The following KIF1A variants were observed in gnomAD, a reference collection of about 807,000 sequenced individuals.
The protein encoded by KIF1A is kinesin family member 1A.
KIF1A carries 46 observed loss-of-function variants against 227.3 expected under a neutral mutation model. That is an observed-to-expected ratio of 0.20 (90% CI 0.16 to 0.26). The LOEUF is 0.26. Among genes scored for constraint, KIF1A ranks in the 10% least tolerant of loss-of-function variants. The probability of loss-of-function intolerance (pLI) is 1.00; values close to 1 mark genes in which losing one functional copy is unlikely to be tolerated. For synonymous variants in KIF1A, 1,022 were observed against 1,012.8 expected, an observed-to-expected ratio of 1.01 and a Z score of -0.17; for missense variants, 1,683 against 2,485.9, an observed-to-expected ratio of 0.68 and a Z score of 6.87.
At position 240,757,544 on chromosome 2, in the gene KIF1A, C is replaced by G. The variant is rs2125869507; in HGVS notation, c.2633G>C (p.Ser878Thr). Residue 878 changes from serine to threonine, a missense_variant, in exon 27 of 49, where the codon AGC (serine) becomes ACC (threonine). By Grantham distance (58) the Ser-to-Thr change is moderately conservative (BLOSUM62 1). This residue lies in a region of KIF1A where 759 missense variants were observed against 1,020.2 expected (regional missense o/e 0.74). Transcript: ENST00000498729. The surrounding 1 kb of genome is among the most constrained non-coding windows in gnomAD (Gnocchi z 6.2). ...GGGGGTGAGAGCAGCCATGCGCTCG[C>G]TCATGCATGTGTTGAGAAGAGGGTA... is the stretch of plus-strand genomic sequence containing the variant. Reference protein sequence around the residue: ...NSYPLLNTCMSERMAALTPSP... With the variant: ...NSYPLLNTCMTERMAALTPSP... The G allele has an allele frequency of 6.4e-7, 1 of 1,550,620 alleles. No individual in the cohort carries two copies. The highest frequency in any genetic ancestry group is 2.0e-5 in the Admixed American group (1 of 50,994).
At chr2:240,753,203 G>A (rs2049430134) in intron 27 of KIF1A, among the ~76,000 whole-genome samples, 1 of 152,226 alleles carries the variant, frequency 6.6e-6, no homozygotes. Flanking sequence ...TTAGCTCTCA[G>A]GGTCTCACAC....
intron 29 of KIF1A, among the ~76,000 whole-genome samples, chr2:240,746,825 G>A (rs369768936): frequency 6.6e-6 from 1 of 152,234 alleles, no homozygotes; most frequent in South Asian, 2.1e-4. Context: ...GCAGCCTCAG[G>A]GGGGCAGCCC....
intron 42 of KIF1A, 103 bp downstream of exon 42, chr2:240,723,310 C>G (rs941202681): frequency 7.7e-6 from 9 of 1,172,530 alleles, no homozygotes; most frequent in African/African-American, 3.1e-5. Context: ...AGCTGTGCTG[C>G]CCCCCAGTAG....
chr2:240,731,929 G>A (rs1418520041), intron 38 of KIF1A, among the ~76,000 whole-genome samples: 1 of 78,584 alleles, frequency 1.3e-5, no homozygotes, highest in African/African-American at 5.0e-5. Context: ...GGGGAGGAGG[G>A]ATGAGGGATG....
chr2:240,732,274 G>C (rs1214495916), intron 38 of KIF1A, among the ~76,000 whole-genome samples: 1 of 117,078 alleles, frequency 8.5e-6, no homozygotes, highest in Non-Finnish European at 1.7e-5. Context: ...GAGGGATGAA[G>C]GGAGAAGGGG....
intron 15 of KIF1A, among the ~76,000 whole-genome samples, chr2:240,770,640 T>C (rs2051829665): frequency 6.6e-6 from 1 of 152,228 alleles, no homozygotes; most frequent in African/African-American, 2.4e-5. Context: ...TTCTTGGAGC[T>C]TCCCTTGTCC....
At chr2:240,734,784 G>C (rs1158402193) in intron 38 of KIF1A, 1 of 1,303,662 alleles carries the variant, frequency 7.7e-7, no homozygotes, top group Non-Finnish European at 1.0e-6. Context: ...GTGAGGGCCG[G>C]GCAGCGCAGC....
rs202227589 is a variant in KIF1A at position 240,805,322 on chromosome 2, GA to G, written c.-60-7511del. On this transcript the variant is annotated intron_variant, in intron 1 of 48. Transcript: ENST00000498729. ...TGAAAAACAATGGGGTAACATATGG[GA>G]AAGAACCATGCAGAACTTTTAGAAA... is the stretch of plus-strand genomic sequence containing the variant. Among the ~76,000 whole-genome samples the G allele has an allele frequency of 6.8e-3, 1,037 of 152,316 alleles. 19 individuals carry two copies. Among genetic ancestry groups the G allele is most frequent in the African/African-American group, 0.024 (1,017 of 41,574 alleles).
At chr2:240,729,822 G>A (rs1453128160) in intron 38 of KIF1A, among the ~76,000 whole-genome samples, 3 of 152,222 alleles carry the variant, frequency 2.0e-5, no homozygotes, top group African/African-American at 7.2e-5. Flanking sequence ...AGGACTGTGT[G>A]CACAGCAGGG....
chr2:240,729,604 A>C (rs891896353), intron 38 of KIF1A, among the ~76,000 whole-genome samples: 1 of 152,224 alleles, frequency 6.6e-6, no homozygotes, highest in African/African-American at 2.4e-5. Context: ...TGCTGGAGCC[A>C]GGCCTGGAGC....
In KIF1A at chr2:240,743,935, C is replaced by A; in HGVS notation, c.3584+7G>T. 6.3e-7 allele frequency: 1 copy of A among 1,597,866 alleles called. No homozygotes were observed. Among genetic ancestry groups the A allele is most frequent in the Non-Finnish European group, 8.6e-7 (1 of 1,165,696 alleles). On this transcript the variant is annotated splice_region_variant and intron_variant, in intron 33 of 48. Transcript: ENST00000498729. The stretch of plus-strand genomic sequence containing the variant: ...CAGCCCCGAACCCCCCGACCCAGGG[C>A]GCTAACCTGAGCACGTCCTTGCAGA...
In KIF1A at chr2:240,783,799, C is replaced by T. The variant is rs756165230; in HGVS notation, c.738G>A (p.Leu246=). ...ITTEKVSKIS[L]VDLAGSERAD... is the part of the protein sequence containing the mutation. ...CCCGCTCGCTCCCAGCCAGGTCCAC[C>T]AGGCTGATTTTGCTCACCTGAAACA... is the stretch of plus-strand genomic sequence containing the variant. Residue 246 remains leucine (L), a synonymous_variant, in exon 8 of 49, where the codon CTG becomes CTA. Transcript: ENST00000498729. 4 of 1,591,616 alleles carry T rather than the reference C, an allele frequency of 2.5e-6. No homozygotes were observed. The highest frequency in any genetic ancestry group is 2.6e-6 in the Non-Finnish European group (3 of 1,169,160).
intron 29 of KIF1A, 95 bp from the exon 30 acceptor site, chr2:240,746,272 C>T: frequency 6.9e-7 from 1 of 1,451,678 alleles, no homozygotes. Context: ...GGCTGTGCCA[C>T]CCAGAGCCTG....
chr2:240,741,376 C>A lies in KIF1A; in HGVS notation c.3642G>T (p.Val1214=). ...FPRVMPLSKP[V]PATKLSTLTR... is the part of the protein sequence containing the mutation. Reference sequence around the variant, plus strand: ...TCAGTGTGCTGAGCTTGGTGGCGGGCACTGTAGGGACAGGAGGGAGGCATG... The same window carrying A: ...TCAGTGTGCTGAGCTTGGTGGCGGGAACTGTAGGGACAGGAGGGAGGCATG... Residue 1214 remains valine, a splice_region_variant and synonymous_variant, in exon 35 of 49, where the codon GTG becomes GTT. Coordinates refer to ENST00000498729, the MANE Select transcript of KIF1A (RefSeq NM_001244008.2). The A allele has an allele frequency of 6.4e-7, 1 of 1,564,036 alleles. No homozygotes were observed. Among genetic ancestry groups the A allele is most frequent in the Non-Finnish European group, 8.6e-7 (1 of 1,159,056 alleles).
chr2:240,767,103 A>C (rs950132373), intron 18 of KIF1A, 82 bp from the exon 19 acceptor site: 11 of 1,243,064 alleles, frequency 8.8e-6, no homozygotes, highest in Non-Finnish European at 1.3e-5. Context: ...AGGGACGCCC[A>C]ACCAGGATTG....
chr2:240,715,843 G>A lies in KIF1A; in HGVS notation c.*1521C>T, dbSNP rs942795718. ...ATCTGATGAAAGTGCTGGGCCCTAG[G>A]TCTGGAGCACCAGACCCGATGTAAC... On this transcript the variant is annotated 3_prime_UTR_variant, in exon 49 of 49. Coordinates refer to ENST00000498729, the MANE Select transcript of KIF1A (RefSeq NM_001244008.2). 1.3e-5 allele frequency: 2 copies of A among 152,314 alleles called. No individual in the cohort carries two copies. The highest frequency in any genetic ancestry group is 2.9e-5 in the Non-Finnish European group (2 of 68,054). The allele number at this position is 152,314 out of a possible 1,614,324, so 9.4% of individuals were successfully genotyped here.
rs963012689 is a variant in KIF1A, at chr2:240,764,184, CT to C, written c.1769-839del. Among the ~76,000 whole-genome samples, 86 of 152,318 alleles carry C rather than the reference CT, an allele frequency of 5.6e-4. 1 individual carries two copies. Among genetic ancestry groups the C allele is most frequent in the African/African-American group, 1.9e-3 (79 of 41,574 alleles). On this transcript the variant is annotated intron_variant, in intron 20 of 48. Coordinates refer to ENST00000498729, the MANE Select transcript of KIF1A (RefSeq NM_001244008.2). ...GCCCGTGCCTGCAGGTCTGTCCCCC[CT>C]CAGCACCTCCTTGCTGGCTGCTCTC...
chr2:240,777,682 T>C (rs2052938989), intron 10 of KIF1A, among the ~76,000 whole-genome samples: 1 of 152,172 alleles, frequency 6.6e-6, no homozygotes, highest in African/African-American at 2.4e-5. Flanking sequence ...AAGCAGACAC[T>C]GTGAGCCCCG....
Position 240,723,406 on chromosome 2 carries a change from G to A in KIF1A, c.4464+7C>T. The A allele has an allele frequency of 6.5e-7, 1 of 1,544,354 alleles. No individual in the cohort carries two copies. Among genetic ancestry groups the A allele is most frequent in the South Asian group, 1.2e-5 (1 of 83,516 alleles). On this transcript the variant is annotated splice_region_variant and intron_variant, in intron 42 of 48. Transcript: ENST00000498729. ...CGTGCGGGCCTCATCCTCTGAGGCT[G>A]CCTCACCTCCTGCAGGAGGCTCAGC...
Sources: allele counts gnomAD v4.1 joint callset (sites outside exome capture counted in the v4.1 genomes callset), GRCh38; gene constraint gnomAD v4.1.1; regional missense constraint gnomAD v4.1.1; non-coding constraint Gnocchi (gnomAD v3.1); transcripts MANE v1.5; gene names NCBI Gene and HGNC (gene_info 2026-07-23, HGNC 2026-07-21).